IFT52: variants seen among roughly 807,000 people sequenced by gnomAD.
The protein encoded by IFT52 is intraflagellar transport protein 52 homolog.
A neutral mutation model predicts 54.4 loss-of-function variants in IFT52; 44 were observed. The ratio of observed to expected loss-of-function variants is 0.81; its 90% confidence interval spans 0.63 to 1.04. The LOEUF (loss-of-function observed/expected upper bound fraction) is 1.04, where lower values mean the gene tolerates loss of function less well. Among genes scored for constraint, IFT52 ranks in the 50% least tolerant of loss-of-function variants. The pLI, the probability that IFT52 is intolerant of heterozygous loss-of-function variation, is 0.00. For missense variants in IFT52, 452 were observed against 523.6 expected, an observed-to-expected ratio of 0.86 and a Z score of 1.33; for synonymous variants, 181 against 185.3, an observed-to-expected ratio of 0.98 and a Z score of 0.19.
chr20:43,640,333 G>A (rs1985829972), intron 12 of IFT52, among the ~76,000 whole-genome samples: 1 of 152,078 alleles, frequency 6.6e-6, no homozygotes, highest in South Asian at 2.1e-4. Context: ...GGTGGCAGGT[G>A]CCTGTAATCC....
At chr20:43,603,431 A>T (rs766463773) in intron 3 of IFT52, among the ~76,000 whole-genome samples, 6 of 152,174 alleles carry the variant, frequency 3.9e-5, no homozygotes, top group Non-Finnish European at 7.3e-5. Flanking sequence ...AGGGGAAGGT[A>T]GGTACAACTG....
chr20:43,633,112 G>A (rs1985284085), intron 10 of IFT52, among the ~76,000 whole-genome samples: 1 of 152,210 alleles, frequency 6.6e-6, no homozygotes, highest in Non-Finnish European at 1.5e-5. Context: ...GGGAGGCTGA[G>A]GTGGGTGGAT....
At chr20:43,599,191 C>A (rs1982233132) in intron 3 of IFT52, among the ~76,000 whole-genome samples, 1 of 152,126 alleles carries the variant, frequency 6.6e-6, no homozygotes, top group Non-Finnish European at 1.5e-5. Flanking sequence ...GAGCAACACT[C>A]TATTGCTTGT....
chr20:43,595,265 C>G (rs184956681), intron 2 of IFT52, among the ~76,000 whole-genome samples: 1 of 147,590 alleles, frequency 6.8e-6, no homozygotes, highest in Non-Finnish European at 1.5e-5. Context: ...TGCAGTGAGC[C>G]GAGATTGTGC....
rs533575705 is a variant in IFT52 at position 43,626,343 on chromosome 20, G to A, written c.923+2298G>A. ...CAGTGGCGCAATCTCTGCTCACTGC[G>A]ACCTCTGCCTCCCAGGCTCAAGCAA... On this transcript the variant is annotated intron_variant, in intron 10 of 13. Coordinates refer to ENST00000373030, the MANE Select transcript of IFT52 (RefSeq NM_016004.5). Among the ~76,000 whole-genome samples the A allele has an allele frequency of 1.2e-3, 179 of 150,438 alleles. 2 individuals are homozygous for A. The highest frequency in any genetic ancestry group is 4.2e-3 in the African/African-American group (172 of 40,822).
At chr20:43,608,499 T>A (rs1047825886) in intron 6 of IFT52, among the ~76,000 whole-genome samples, 12 of 152,216 alleles carry the variant, frequency 7.9e-5, no homozygotes, top group African/African-American at 2.9e-4. Context: ...ATTTTTCAAT[T>A]GATGGTTTGT....
chr20:43,641,037 A>G (rs866906517), intron 12 of IFT52, among the ~76,000 whole-genome samples: 172 of 146,226 alleles, frequency 1.2e-3, no homozygotes, highest in Middle Eastern at 7.2e-3. Context: ...TCTCAAAAAA[A>G]AAAAAAAAAA....
intron 12 of IFT52, among the ~76,000 whole-genome samples, chr20:43,639,988 C>CTCT (rs1985805586): frequency 6.6e-6 from 1 of 151,952 alleles, no homozygotes; most frequent in South Asian, 2.1e-4. Context: ...ACTGTGAGAC[C>CTCT]TCTTCTCTAT....
intron 7 of IFT52, among the ~76,000 whole-genome samples, chr20:43,617,896 A>T (rs1359009182): frequency 6.6e-6 from 1 of 152,100 alleles, no homozygotes; most frequent in Non-Finnish European, 1.5e-5. Flanking sequence ...GGTGCGTGCC[A>T]CCAACCCTAG....
intron 1 of IFT52, among the ~76,000 whole-genome samples, chr20:43,592,613 A>G (rs1006243867): frequency 6.6e-6 from 1 of 152,010 alleles, no homozygotes; most frequent in Non-Finnish European, 1.5e-5. Flanking sequence ...GAAGTAAAGC[A>G]TTGTTGAATT....
intron 4 of IFT52, 71 bp downstream of exon 4, chr20:43,603,960 G>T (rs1982656361): frequency 2.6e-6 from 3 of 1,159,682 alleles, no homozygotes; most frequent in Non-Finnish European, 3.8e-6. Context: ...AGCCCTCTAG[G>T]TCCAGTGGCA....
At chr20:43,642,424 C>T (rs1020603929) in intron 12 of IFT52, 55 bp from the exon 13 acceptor site, 1 of 1,555,788 alleles carries the variant, frequency 6.4e-7, no homozygotes, top group Non-Finnish European at 8.8e-7. Context: ...TAAGTCTGTA[C>T]TTTGGGAAGG....
Position 43,623,914 on chromosome 20 carries a change from C to T in IFT52, c.792C>T (p.Pro264=). The change falls in exon 10 of 14, where the codon CCC becomes CCT. Residue 264 remains proline (P), a synonymous_variant. Coordinates refer to ENST00000373030, the MANE Select transcript of IFT52 (RefSeq NM_016004.5). ...DPEISDYMML[P]YTATLSKRNR... ...AGATTTCTGACTACATGATGCTGCC[C>T]TACACAGCCACCCTATCAAAGCGGA... 5.0e-6 allele frequency: 8 copies of T among 1,614,110 alleles called. No individual in the cohort carries two copies. The highest frequency in any genetic ancestry group is 6.8e-6 in the Non-Finnish European group (8 of 1,180,002).
Position 43,603,836 on chromosome 20 carries a change from T to C in IFT52, c.284T>C (p.Phe95Ser), listed in dbSNP as rs1167177237. 6 of 1,563,760 alleles carry C rather than the reference T, an allele frequency of 3.8e-6. No individual in the cohort carries two copies. Among genetic ancestry groups the C allele is most frequent in the Non-Finnish European group, 5.3e-6 (6 of 1,137,040 alleles). ...VMLGEGGESRFDTNINFLLEE... is the reference protein window; with the variant it reads ...VMLGEGGESRSDTNINFLLEE... ...CTAGGAGAAGGTGGAGAATCCAGATTTGACACCAATATTAACTTTTTACTA... is the reference window on the plus strand; with the variant it reads ...CTAGGAGAAGGTGGAGAATCCAGATCTGACACCAATATTAACTTTTTACTA... The change falls in exon 4 of 14, where the codon TTT becomes TCT. Residue 95 changes from phenylalanine to serine, a missense_variant. Transcript: ENST00000373030.
intron 9 of IFT52, among the ~76,000 whole-genome samples, chr20:43,621,274 CAG>C (rs1984283434): frequency 6.6e-6 from 1 of 152,054 alleles, no homozygotes; most frequent in Non-Finnish European, 1.5e-5. Context: ...CAAAGAGTAT[CAG>C]AATTTATGTT....
chr20:43,616,784 G>GT (rs1356203393), intron 7 of IFT52, among the ~76,000 whole-genome samples: 2 of 152,140 alleles, frequency 1.3e-5, no homozygotes, highest in African/African-American at 2.4e-5. Flanking sequence ...ACTTTGGGAG[G>GT]TTAAGGAGGT....
At chr20:43,630,510 T>C (rs1191592564) in intron 10 of IFT52, among the ~76,000 whole-genome samples, 1 of 152,220 alleles carries the variant, frequency 6.6e-6, no homozygotes, top group East Asian at 1.9e-4. Context: ...CATCTTTCAA[T>C]AGTTTATCTT....
At chr20:43,639,703 G>T (rs540235220) in intron 12 of IFT52, among the ~76,000 whole-genome samples, 46 of 152,042 alleles carry the variant, frequency 3.0e-4, no homozygotes, top group African/African-American at 1.1e-3. Flanking sequence ...GCCAGGTGCG[G>T]TGACGCATTT....
chr20:43,601,636 G>A (rs1290430508), intron 3 of IFT52, among the ~76,000 whole-genome samples: 1 of 152,090 alleles, frequency 6.6e-6, no homozygotes, highest in African/African-American at 2.4e-5. Context: ...ACAAATCCCA[G>A]AACCACATAA....
Sources: allele counts gnomAD v4.1 joint callset (sites outside exome capture counted in the v4.1 genomes callset), GRCh38; gene constraint gnomAD v4.1.1; transcripts MANE v1.5; gene names NCBI Gene and HGNC (gene_info 2026-07-23, HGNC 2026-07-21).